Variants in PCDH7 observed in about 807,000 individuals in gnomAD.
PCDH7 encodes protocadherin-7.
In PCDH7, 17 loss-of-function variants were observed where a neutral mutation model predicts 58.9. The observed-to-expected ratio is 0.29, with a 90% CI of 0.20 to 0.43. The LOEUF (loss-of-function observed/expected upper bound fraction) is 0.43, where lower values mean the gene tolerates loss of function less well. Among genes scored for constraint, PCDH7 ranks in the 20% least tolerant of loss-of-function variants. The pLI, the probability that PCDH7 is intolerant of heterozygous loss-of-function variation, is 1.00. For missense variants in PCDH7, 1,274 were observed against 1,441.0 expected, an observed-to-expected ratio of 0.88 and a Z score of 1.88; for synonymous variants, 664 against 616.4, an observed-to-expected ratio of 1.08 and a Z score of -1.14.
At position 31,073,786 on chromosome 4, in the gene PCDH7, C is replaced by T. The variant is rs142466592; in HGVS notation, c.*8-68687C>T. Among the ~76,000 whole-genome samples the T allele has an allele frequency of 2.0e-5, 3 of 152,202 alleles. No individual in the cohort carries two copies. The East Asian group carries it at 5.8e-4, about 29-fold the overall frequency. ...ATTTATTTTAGTTAAATATGTAAAT[C>T]ATAATCCTTTTCAAGATATGCAGTA... On this transcript the variant is annotated intron_variant, in intron 3 of 3. Transcript: ENST00000509759.
At chr4:30,816,812 G>A (rs1277592100) in intron 1 of PCDH7, among the ~76,000 whole-genome samples, 1 of 152,072 alleles carries the variant, frequency 6.6e-6, no homozygotes, top group East Asian at 1.9e-4. Context: ...TGATCCATGG[G>A]ATATTTATCA....
intron 3 of PCDH7, among the ~76,000 whole-genome samples, chr4:31,002,938 T>C (rs1184588102): frequency 6.6e-6 from 1 of 152,210 alleles, no homozygotes; most frequent in East Asian, 1.9e-4. Flanking sequence ...GTAATTTATA[T>C]GTTTTAATTA....
chr4:30,851,748 A>G (rs937904273), intron 1 of PCDH7, among the ~76,000 whole-genome samples: 1 of 152,066 alleles, frequency 6.6e-6, no homozygotes, highest in Non-Finnish European at 1.5e-5. Flanking sequence ...AGTAACCATT[A>G]CTTCTTTAAG....
chr4:30,750,943 T>G (rs927253370), intron 1 of PCDH7, among the ~76,000 whole-genome samples: 1 of 150,706 alleles, frequency 6.6e-6, no homozygotes. Flanking sequence ...ACAGAGTTGT[T>G]AAGGAAAGGC....
intron 1 of PCDH7, chr4:30,776,151 A>C (rs1251316254): frequency 6.6e-6 from 1 of 152,190 alleles, no homozygotes; most frequent in Admixed American, 6.5e-5. Context: ...TTATATGATT[A>C]TTGTATGGAA....
chr4:30,797,260 T>C (rs557941471), intron 1 of PCDH7, among the ~76,000 whole-genome samples: 1 of 150,610 alleles, frequency 6.6e-6, no homozygotes, highest in East Asian at 2.0e-4. Context: ...TTTGTTTTGT[T>C]TGGTTTTGTT....
At chr4:30,740,681 AG>A (rs1252672277) in intron 1 of PCDH7, among the ~76,000 whole-genome samples, 2 of 151,870 alleles carry the variant, frequency 1.3e-5, no homozygotes, top group African/African-American at 4.8e-5. Flanking sequence ...TTTTCTCTTG[AG>A]GTTTTTTTTT....
chr4:31,139,763 T>C (rs562398911), intron 3 of PCDH7, among the ~76,000 whole-genome samples: 1 of 152,346 alleles, frequency 6.6e-6, no homozygotes, highest in African/African-American at 2.4e-5. Context: ...AAGTTTTGAT[T>C]GCTTGTGATG....
At chr4:30,907,698 C>T (rs1741149885) in intron 1 of PCDH7, among the ~76,000 whole-genome samples, 2 of 152,238 alleles carry the variant, frequency 1.3e-5, no homozygotes, top group South Asian at 4.1e-4. Flanking sequence ...GTGGCGATTC[C>T]TCAAGGATCT....
intron 1 of PCDH7, among the ~76,000 whole-genome samples, chr4:30,750,487 A>G (rs909555611): frequency 6.6e-6 from 1 of 152,152 alleles, no homozygotes; most frequent in Non-Finnish European, 1.5e-5. Context: ...CTCTCAAACT[A>G]ACATTCAACT....
At chr4:30,943,003 C>T (rs1382791941) in intron 2 of PCDH7, among the ~76,000 whole-genome samples, 1 of 151,242 alleles carries the variant, frequency 6.6e-6, no homozygotes, top group Non-Finnish European at 1.5e-5. Context: ...TCCTTTTTCC[C>T]TGGGAGAACA....
At chr4:31,110,250 A>G (rs1310666933) in intron 3 of PCDH7, among the ~76,000 whole-genome samples, 1 of 152,222 alleles carries the variant, frequency 6.6e-6, no homozygotes, top group African/African-American at 2.4e-5. Context: ...CGGACACTCT[A>G]GTTCCAAAGT....
intron 3 of PCDH7, among the ~76,000 whole-genome samples, chr4:31,115,920 T>C (rs1716932151): frequency 6.6e-6 from 1 of 152,202 alleles, no homozygotes; most frequent in African/African-American, 2.4e-5. Context: ...GGCCTTAAGT[T>C]TGGCTTAATT....
At chr4:30,981,821 C>T (rs1157227281) in intron 3 of PCDH7, among the ~76,000 whole-genome samples, 3 of 152,138 alleles carry the variant, frequency 2.0e-5, no homozygotes, top group Non-Finnish European at 4.4e-5. Context: ...GTGCTACTCT[C>T]ATTTGTTTTT....
intron 1 of PCDH7, among the ~76,000 whole-genome samples, chr4:30,758,404 T>C (rs909148536): frequency 2.6e-5 from 4 of 152,192 alleles, no homozygotes; most frequent in African/African-American, 9.7e-5. Flanking sequence ...GAGATGCCAT[T>C]GGAAGACTGG....
intron 1 of PCDH7, among the ~76,000 whole-genome samples, chr4:30,763,791 G>A (rs1268801215): frequency 2.0e-5 from 3 of 152,150 alleles, no homozygotes; most frequent in East Asian, 3.9e-4. Context: ...ATCGTCTTCC[G>A]TTTCTTCTTA....
chr4:30,860,528 C>A (rs1317651772), intron 1 of PCDH7, among the ~76,000 whole-genome samples: 3 of 151,830 alleles, frequency 2.0e-5, no homozygotes, highest in Non-Finnish European at 4.4e-5. Context: ...ACTTGTGCAT[C>A]ATGTCTTACA....
At chr4:30,840,540 A>AT (rs1048183096) in intron 1 of PCDH7, among the ~76,000 whole-genome samples, 1 of 152,272 alleles carries the variant, frequency 6.6e-6, no homozygotes, top group Non-Finnish European at 1.5e-5. Context: ...AACATAAAGC[A>AT]TTTTTATGAT....
At chr4:30,870,458 A>G (rs1735440116) in intron 1 of PCDH7, among the ~76,000 whole-genome samples, 2 of 152,092 alleles carry the variant, frequency 1.3e-5, no homozygotes, top group African/African-American at 4.8e-5. Context: ...AAATAAAAAA[A>G]GAAGAAAGGA....
Sources: gnomAD v4.1 joint callset for allele counts (sites outside exome capture counted in the v4.1 genomes callset) on GRCh38, gnomAD v4.1.1 for gene constraint, MANE v1.5 for transcripts, NCBI Gene and HGNC (gene_info 2026-07-23, HGNC 2026-07-21) for gene names.